The following CUL3 variants were observed in gnomAD, a reference collection of about 807,000 sequenced individuals.
CUL3 encodes the protein cullin 3, also known as cullin-3.
Under a neutral mutation model 89.1 loss-of-function variants are expected in CUL3, and 19 were observed. The ratio of observed to expected loss-of-function variants is 0.21; its 90% CI spans 0.15 to 0.31. CUL3 has a LOEUF of 0.31. CUL3 is among the 10% of genes least tolerant of loss of function. The pLI is 1.00. For missense variants in CUL3, 469 were observed against 942.3 expected (o/e 0.50, Z 6.58); for synonymous variants, 351 against 308.4 (o/e 1.14, Z -1.45).
intron 13 of CUL3, among the ~76,000 whole-genome samples, chr2:224,492,940 T>A (rs1692038396): frequency 6.6e-6 from 1 of 152,104 alleles, no homozygotes. Flanking sequence ...AAGAGCCACA[T>A]GAAAAGGCCC....
At chr2:224,558,410 TATG>T (rs1319184953) in intron 1 of CUL3, among the ~76,000 whole-genome samples, 5 of 152,224 alleles carry the variant, frequency 3.3e-5, no homozygotes, top group African/African-American at 1.2e-4. Flanking sequence ...ATCCTCACTC[TATG>T]ATTATGACTG....
At chr2:224,546,184 T>C (rs1229982305) in intron 2 of CUL3, among the ~76,000 whole-genome samples, 1 of 152,184 alleles carries the variant, frequency 6.6e-6, no homozygotes, top group African/African-American at 2.4e-5. Flanking sequence ...ATAGCATTAG[T>C]ATCATGGTTA....
At chr2:224,551,205 A>ATTTT (rs1211420165) in intron 2 of CUL3, among the ~76,000 whole-genome samples, 1 of 134,000 alleles carries the variant, frequency 7.5e-6, no homozygotes. Flanking sequence ...AAGCCCGGCA[A>ATTTT]TTTTTTTTTT....
At chr2:224,533,330 C>T (rs1693761064) in intron 3 of CUL3, among the ~76,000 whole-genome samples, 1 of 152,082 alleles carries the variant, frequency 6.6e-6, no homozygotes, top group Non-Finnish European at 1.5e-5. Context: ...ATGAATTGTT[C>T]CACTGAAGCC....
intron 3 of CUL3, 145 bp downstream of exon 3, chr2:224,535,383 T>C (rs1202549917): frequency 4.0e-6 from 2 of 498,842 alleles, no homozygotes; most frequent in East Asian, 3.7e-5. Context: ...CTGGCCAGGC[T>C]GGTCTCAATG....
chr2:224,557,876 GAAGA>G lies in CUL3; in HGVS notation c.67-24_67-21del. ...GGTCATCTGTAATATCCAAGAGAGAGAAGAGACAAAAAAAAAAAAAAAAAAAAAA... is the reference window on the plus strand; with the variant it reads ...GGTCATCTGTAATATCCAAGAGAGAGGACAAAAAAAAAAAAAAAAAAAAAA... On this transcript the variant is annotated intron_variant, in intron 1 of 15. Transcript: ENST00000264414. 6.8e-6 allele frequency: 1 copy of G among 146,618 alleles called. No individual in the cohort carries two copies. Among genetic ancestry groups the G allele is most frequent in the African/African-American group, 7.8e-5 (1 of 12,772 alleles). 9.1% of individuals were successfully genotyped at this position (146,618 alleles called of 1,614,324 possible).
rs1694753518 is a variant in CUL3 at position 224,557,583 on chromosome 2, G to A, written c.264+76C>T. On this transcript the variant is annotated intron_variant, in intron 2 of 15. Coordinates refer to ENST00000264414, the MANE Select transcript of CUL3 (RefSeq NM_003590.5). ...TGGCACCTTTAAAAAGAACACTTCCGGTCAAAGTGCAATATGGTATAAAGG... is the reference window on the plus strand; with the variant it reads ...TGGCACCTTTAAAAAGAACACTTCCAGTCAAAGTGCAATATGGTATAAAGG... 22 of 996,768 alleles carry A rather than the reference G, an allele frequency of 2.2e-5. 1 individual carries two copies. The highest frequency in any genetic ancestry group is 1.2e-4 in the Admixed American group (5 of 41,832). The allele number at this position is 996,768 out of a possible 1,614,324, so 61.7% of individuals were successfully genotyped here.
intron 15 of CUL3, among the ~76,000 whole-genome samples, chr2:224,476,879 C>G (rs527787151): frequency 1.3e-5 from 2 of 152,110 alleles, no homozygotes; most frequent in African/African-American, 4.8e-5. Flanking sequence ...TCCTCTAATA[C>G]TACTCTCTCT....
chr2:224,506,410 T>G lies in CUL3; in HGVS notation c.1030-278A>C, dbSNP rs182401785. ...ATTCTCCTGTCTTGATGGAATGGGTTAGCCAGTGAAAAAAATTAGCTTAAA... is the reference window on the plus strand; with the variant it reads ...ATTCTCCTGTCTTGATGGAATGGGTGAGCCAGTGAAAAAAATTAGCTTAAA... On this transcript the variant is annotated intron_variant, in intron 7 of 15. Coordinates refer to ENST00000264414, the MANE Select transcript of CUL3 (RefSeq NM_003590.5). Among the ~76,000 whole-genome samples, 7 of 152,280 alleles carry G rather than the reference T, an allele frequency of 4.6e-5. No individual in the cohort carries two copies. In the East Asian group the frequency reaches 1.4e-3, roughly 29 times the overall value.
chr2:224,566,710 G>T (rs938323000), intron 1 of CUL3, among the ~76,000 whole-genome samples: 2 of 152,152 alleles, frequency 1.3e-5, no homozygotes, highest in Admixed American at 1.3e-4. Context: ...TCCAGCTTTA[G>T]ATCCTTCACC....
At position 224,557,899 on chromosome 2, in the gene CUL3, A is replaced by C. The variant is rs554902031; in HGVS notation, c.67-43T>G. 36 of 1,136,458 alleles carry C rather than the reference A, an allele frequency of 3.2e-5. No individual in the cohort carries two copies. In the Admixed American group the frequency reaches 6.3e-4, roughly 20 times the overall value. The allele number at this position is 1,136,458 out of a possible 1,614,324, so 70.4% of individuals were successfully genotyped here. A position where few individuals can be genotyped will look rare whatever the true frequency, so the allele number is the denominator to read the frequency against. The stretch of plus-strand genomic sequence containing the variant: ...GAGAAGAGACAAAAAAAAAAAAAAA[A>C]AAAAAACCAATGGTTGAAAGTCTTT... On this transcript the variant is annotated intron_variant, in intron 1 of 15. Coordinates refer to ENST00000264414, the MANE Select transcript of CUL3 (RefSeq NM_003590.5).
chr2:224,520,649 C>T (rs1206023668), intron 3 of CUL3, among the ~76,000 whole-genome samples: 3 of 152,098 alleles, frequency 2.0e-5, no homozygotes, highest in Admixed American at 6.5e-5. Context: ...TCTTTCTAAG[C>T]CACAAGAAAA....
At chr2:224,527,396 A>G (rs1693520530) in intron 3 of CUL3, among the ~76,000 whole-genome samples, 1 of 152,198 alleles carries the variant, frequency 6.6e-6, no homozygotes, top group Non-Finnish European at 1.5e-5. Flanking sequence ...TTCTTATCCT[A>G]TCTTCTGGCC....
At chr2:224,525,508 CTGT>C (rs1693438092) in intron 3 of CUL3, among the ~76,000 whole-genome samples, 1 of 151,996 alleles carries the variant, frequency 6.6e-6, no homozygotes. Context: ...TAAATGATAT[CTGT>C]TGTTATGTAT....
chr2:224,529,480 T>C (rs1176399706), intron 3 of CUL3, among the ~76,000 whole-genome samples: 1 of 139,892 alleles, frequency 7.1e-6, no homozygotes, highest in Non-Finnish European at 1.5e-5. Context: ...AAAAAAAAAA[T>C]TAGCCGGGTG....
chr2:224,502,556 T>C (rs571386110), intron 10 of CUL3, among the ~76,000 whole-genome samples: 2 of 152,084 alleles, frequency 1.3e-5, no homozygotes, highest in African/African-American at 2.4e-5. Flanking sequence ...AGAATAATAG[T>C]AGTGAGGTAT....
At chr2:224,503,930 G>T in intron 8 of CUL3, 108 bp from the exon 9 acceptor site, 2 of 810,582 alleles carry the variant, frequency 2.5e-6, no homozygotes, top group Non-Finnish European at 3.6e-6. Flanking sequence ...ATAGATATCT[G>T]GTTGACATAC....
chr2:224,497,650 G>A, intron 12 of CUL3, 103 bp downstream of exon 12: 1 of 821,014 alleles, frequency 1.2e-6, no homozygotes, highest in Non-Finnish European at 2.0e-6. Flanking sequence ...GAGACAGGCA[G>A]AGAAACAGAA....
intron 2 of CUL3, among the ~76,000 whole-genome samples, chr2:224,548,184 C>G (rs1215119214): frequency 1.3e-5 from 2 of 152,198 alleles, no homozygotes; most frequent in Non-Finnish European, 2.9e-5. Flanking sequence ...GTGCTTAGAA[C>G]AGATTATGAC....
Sources: gnomAD v4.1 joint callset for allele counts (sites outside exome capture counted in the v4.1 genomes callset) on GRCh38, gnomAD v4.1.1 for gene constraint, MANE v1.5 for transcripts, NCBI Gene and HGNC (gene_info 2026-07-23, HGNC 2026-07-21) for gene names.